The following UBR4 variants were observed in gnomAD, a reference collection of about 807,000 sequenced individuals.
UBR4 encodes the protein E3 ubiquitin-protein ligase UBR4.
Under a neutral mutation model 575.6 loss-of-function variants are expected in UBR4, and 124 were observed. The observed-to-expected ratio is 0.22, with a 90% CI of 0.19 to 0.25. The LOEUF (loss-of-function observed/expected upper bound fraction) is 0.25. Ranked by LOEUF, UBR4 falls within the 10% of genes least tolerant of loss-of-function variation. The pLI is 1.00. For synonymous variants in UBR4, 2,455 were observed against 2,473.7 expected, an observed-to-expected ratio of 0.99 and a Z score of 0.22; for missense variants, 4,818 against 6,478.8, an observed-to-expected ratio of 0.74 and a Z score of 8.80.
Position 19,147,996 on chromosome 1 carries a change from G to A in UBR4, c.7626C>T (p.His2542=), listed in dbSNP as rs1428463844. Residue 2542 remains histidine (H), a synonymous_variant, in exon 51 of 106, where the codon CAC becomes CAT. Coordinates refer to ENST00000375254, the MANE Select transcript of UBR4 (RefSeq NM_020765.3). The stretch of plus-strand genomic sequence containing the variant: ...CTTTCCCTGAGAGAACAGTTACCTT[G>A]TGGCTGTGGTAGGCCGAGCGGCTGG... ...LHTSRSAYHS[H]KDQALLSKAV... 1.9e-6 allele frequency: 3 copies of A among 1,612,208 alleles called. No individual in the cohort carries two copies. In the African/African-American group the frequency reaches 4.0e-5, roughly 22 times the overall value.
intron 39 of UBR4, among the ~76,000 whole-genome samples, chr1:19,159,619 T>TG (rs1178593903): frequency 6.6e-6 from 1 of 151,492 alleles, no homozygotes; most frequent in Non-Finnish European, 1.5e-5. Context: ...TTTTTTTTTT[T>TG]TGAGAGAGAG....
intron 59 of UBR4, among the ~76,000 whole-genome samples, chr1:19,138,513 T>C (rs1194933516): frequency 2.0e-5 from 3 of 152,180 alleles, no homozygotes; most frequent in Non-Finnish European, 4.4e-5. Flanking sequence ...ATCTCCTCTG[T>C]AAAAATTGTA....
At position 19,117,553 on chromosome 1, in the gene UBR4, G is replaced by T; in HGVS notation, c.10630-139C>A. ...TTTAAAAAATATTTTGTAGAGATGGGGTCTCACCATCTTGCCCAGGCTGGT... is the reference window on the plus strand; with the variant it reads ...TTTAAAAAATATTTTGTAGAGATGGTGTCTCACCATCTTGCCCAGGCTGGT... On this transcript the variant is annotated intron_variant, in intron 72 of 105. Transcript: ENST00000375254. The surrounding 1 kb of genome is among the most constrained non-coding windows in gnomAD (Gnocchi z 4.0). 3.8e-6 allele frequency: 4 copies of T among 1,052,128 alleles called. No individual in the cohort carries two copies. Among genetic ancestry groups the T allele is most frequent in the Non-Finnish European group, 5.4e-6 (4 of 743,344 alleles). The allele number at this position is 1,052,128 out of a possible 1,614,324, so 65.2% of individuals were successfully genotyped here.
At position 19,122,665 on chromosome 1, in the gene UBR4, T is replaced by C. The variant is rs146328513; in HGVS notation, c.9816+168A>G. On this transcript the variant is annotated intron_variant, in intron 66 of 105. Coordinates refer to ENST00000375254, the MANE Select transcript of UBR4 (RefSeq NM_020765.3). The stretch of plus-strand genomic sequence containing the variant: ...CCCAGATCCTGAAGCCAACTACACA[T>C]GGTACAGCACCCAGACAGGGGTTAT... Among the ~76,000 whole-genome samples the C allele has an allele frequency of 1.6e-4, 24 of 152,296 alleles. No individual in the cohort carries two copies. The East Asian group carries it at 4.3e-3, about 27-fold the overall frequency.
intron 81 of UBR4, 131 bp downstream of exon 81, chr1:19,109,965 T>C: frequency 2.2e-6 from 3 of 1,355,086 alleles, no homozygotes; most frequent in Non-Finnish European, 3.0e-6. Flanking sequence ...AGGCAAAGGC[T>C]GCACTGGAGC....
intron 6 of UBR4, 26 bp downstream of exon 6, chr1:19,197,921 T>C (rs1403720484): frequency 6.2e-7 from 1 of 1,613,508 alleles, no homozygotes; most frequent in Non-Finnish European, 8.5e-7. Context: ...AGAAATCAGC[T>C]TTCTGATAAC....
At chr1:19,094,200 C>G in intron 94 of UBR4, 61 bp from the exon 95 acceptor site, 1 of 1,383,332 alleles carries the variant, frequency 7.2e-7, no homozygotes, top group Non-Finnish European at 1.0e-6. Context: ...CTGCAGCCAA[C>G]ATCTGAGCCC....
rs761612826 is a variant in UBR4, at chr1:19,160,875, C to T, written c.5406+42G>A. On this transcript the variant is annotated intron_variant, in intron 38 of 105. Coordinates refer to ENST00000375254, the MANE Select transcript of UBR4 (RefSeq NM_020765.3). ...TACTCTCACACCAATTCAACAGGCT[C>T]TGAACTCTGTCTGCTTACTAGGGAG... 3.1e-6 allele frequency: 5 copies of T among 1,596,514 alleles called. No homozygotes were observed. In the South Asian group the frequency reaches 5.6e-5, roughly 18 times the overall value.
At chr1:19,108,973 C>T (rs548878190) in intron 81 of UBR4, among the ~76,000 whole-genome samples, 1 of 152,204 alleles carries the variant, frequency 6.6e-6, no homozygotes, top group Admixed American at 6.5e-5. Context: ...CTCTTCTCAA[C>T]CAAGGGCTGA....
intron 67 of UBR4, 31 bp downstream of exon 67, chr1:19,121,903 A>C: frequency 6.2e-7 from 1 of 1,613,046 alleles, no homozygotes. Flanking sequence ...ATGAATGAAT[A>C]ACAGCAATCA....
Position 19,190,312 on chromosome 1 carries a change from A to AAAAAAAAAAAAAAATAT in UBR4, c.1394+1875_1394+1876insATATTTTTTTTTTTTTT. Among the ~76,000 whole-genome samples the AAAAAAAAAAAAAAATAT allele has an allele frequency of 1.6e-3, 127 of 79,876 alleles. 5 individuals are homozygous for AAAAAAAAAAAAAAATAT. Among genetic ancestry groups the AAAAAAAAAAAAAAATAT allele is most frequent in the African/African-American group, 6.3e-3 (119 of 18,750 alleles). 52.4% of individuals were successfully genotyped at this position (79,876 alleles called of 152,430 possible). A position where few individuals can be genotyped will look rare whatever the true frequency, so the allele number is the denominator to read the frequency against. On this transcript the variant is annotated intron_variant, in intron 11 of 105. Transcript: ENST00000375254. ...TGCCTCAAAAAAAAAAAAAAAAAAA[A>AAAAAAAAAAAAAAATAT]ATATATATATATATATATTTGTATG...
chr1:19,188,561 A>C (rs2091780808), intron 11 of UBR4, among the ~76,000 whole-genome samples: 1 of 152,258 alleles, frequency 6.6e-6, no homozygotes, highest in South Asian at 2.1e-4. Context: ...TTAAAACAAA[A>C]GAGAGAAAAG....
chr1:19,145,506 GAGACACAC>G (rs1557773670), intron 53 of UBR4, among the ~76,000 whole-genome samples: 16 of 43,378 alleles, frequency 3.7e-4, no homozygotes, highest in Admixed American at 3.1e-3. Flanking sequence ...ATAAACCACT[GAGACACAC>G]ACACACACAC....
chr1:19,164,739 C>A, intron 32 of UBR4, 60 bp downstream of exon 32: 2 of 1,586,994 alleles, frequency 1.3e-6, no homozygotes, highest in Non-Finnish European at 1.7e-6. Flanking sequence ...AAGATAACTG[C>A]AAATATCAAC....
intron 17 of UBR4, among the ~76,000 whole-genome samples, chr1:19,181,148 G>A (rs558458287): frequency 2.0e-5 from 3 of 152,268 alleles, no homozygotes; most frequent in Admixed American, 2.0e-4. Context: ...GGGAGACTGA[G>A]GTGGTAAGAT....
intron 60 of UBR4, among the ~76,000 whole-genome samples, chr1:19,137,187 C>A (rs1451593716): frequency 2.0e-5 from 3 of 151,804 alleles, no homozygotes; most frequent in Non-Finnish European, 2.9e-5. Flanking sequence ...GTAGTCCCAG[C>A]AACTCGGGAG....
At chr1:19,181,137 C>T (rs927607599) in intron 17 of UBR4, among the ~76,000 whole-genome samples, 3 of 152,064 alleles carry the variant, frequency 2.0e-5, no homozygotes, top group Non-Finnish European at 4.4e-5. Flanking sequence ...CCCAGCTATA[C>T]GGGAGACTGA....
At chr1:19,174,199 ATCAG>A (rs1294074584) in intron 22 of UBR4, 116 bp downstream of exon 22, 198 of 1,276,422 alleles carry the variant, frequency 1.6e-4, no homozygotes, top group Non-Finnish European at 2.0e-4. Flanking sequence ...ATACTCAAGT[ATCAG>A]TCAGTTTTGC....
Position 19,087,922 on chromosome 1 carries a change from T to G in UBR4, c.14438A>C (p.Glu4813Ala). ...TGTCTTGGTCACGACCTGGCCCTTT[T>G]CATTTGTCTGTAGGGGAACCCCGGT... The part of the protein sequence containing the change: ...ALGTLGMTTN[E>A]KGQVVTKTAL... The change falls in exon 99 of 106, where the codon GAA becomes GCA. Residue 4813 changes from glutamate (E) to alanine (A), a missense_variant. Coordinates refer to ENST00000375254, the MANE Select transcript of UBR4 (RefSeq NM_020765.3). The G allele has an allele frequency of 6.2e-7, 1 of 1,604,332 alleles. No individual in the cohort carries two copies. The highest frequency in any genetic ancestry group is 8.5e-7 in the Non-Finnish European group (1 of 1,173,824).
Sources: gnomAD v4.1 joint callset for allele counts (sites outside exome capture counted in the v4.1 genomes callset) on GRCh38, gnomAD v4.1.1 for gene constraint, Gnocchi (gnomAD v3.1) non-coding constraint, MANE v1.5 for transcripts, NCBI Gene and HGNC (gene_info 2026-07-23, HGNC 2026-07-21) for gene names.